RACK1: variants seen among roughly 807,000 people sequenced by gnomAD.
RACK1 encodes the protein small ribosomal subunit protein RACK1.
In RACK1, 3 loss-of-function variants were observed where a neutral mutation model predicts 42.2. The ratio of observed to expected loss-of-function variants is 0.07; its 90% CI spans 0.03 to 0.18. The LOEUF (loss-of-function observed/expected upper bound fraction) is 0.18. RACK1 is among the 10% of genes least tolerant of loss of function. The pLI, the probability that RACK1 is intolerant of heterozygous loss-of-function variation, is 1.00. For missense variants in RACK1, 146 were observed against 403.2 expected (o/e 0.36, Z 5.46); for synonymous variants, 181 against 154.8 (o/e 1.17, Z -1.25).
rs149289995 is a variant in RACK1 at position 181,237,200 on chromosome 5, C to T, written c.889-158G>A. 715 of 1,402,626 alleles carry T rather than the reference C, an allele frequency of 5.1e-4. 12 individuals are homozygous for T. In the East Asian group the frequency reaches 0.012, roughly 24 times the overall value. The allele number at this position is 1,402,626 out of a possible 1,614,324, so 86.9% of individuals were successfully genotyped here. A position where few individuals can be genotyped will look rare whatever the true frequency, so the allele number is the denominator to read the frequency against. ...TCCTGGCTCACTACAGCCTTAAGCC[C>T]CTGCAGTTCAAGAGATCCTCCCACC... On this transcript the variant is annotated intron_variant, in intron 7 of 7. Coordinates refer to ENST00000512805, the MANE Select transcript of RACK1 (RefSeq NM_006098.5).
chr5:181,237,130 C>T lies in RACK1; in HGVS notation c.889-88G>A, dbSNP rs536355545. ...CAGCCCAAGTGGCTTTTTTTGAGAT[C>T]CGTCCACCTTGCTCCATTGTCTAGG... On this transcript the variant is annotated intron_variant, in intron 7 of 7. Transcript: ENST00000512805. The T allele has an allele frequency of 6.5e-4, 1,036 of 1,582,036 alleles. 5 individuals carry two copies. The highest frequency in any genetic ancestry group is 4.3e-3 in the South Asian group (376 of 86,988).
At chr5:181,242,938 G>A (rs188869710) in intron 1 of RACK1, 2 of 331,644 alleles carry the variant, frequency 6.0e-6, no homozygotes, top group Admixed American at 4.6e-5. Context: ...CAGCCACTTT[G>A]TGTCTTCTCT....
In RACK1 at chr5:181,237,482, C is replaced by G. The variant is rs73365987; in HGVS notation, c.888+127G>C. 5.9e-3 allele frequency: 4,047 copies of G among 688,768 alleles called. 122 individuals carry two copies. The African/African-American group carries it at 0.062, about 11-fold the overall frequency. The allele number at this position is 688,768 out of a possible 1,614,324, so 42.7% of individuals were successfully genotyped here. A position where few individuals can be genotyped will look rare whatever the true frequency, so the allele number is the denominator to read the frequency against. ...TGGCAAACGAGGGCATCCTCATCAACCTGGCTTGTCATTTCACTTTATGCC... is the reference window on the plus strand; with the variant it reads ...TGGCAAACGAGGGCATCCTCATCAAGCTGGCTTGTCATTTCACTTTATGCC... On this transcript the variant is annotated intron_variant, in intron 7 of 7. Coordinates refer to ENST00000512805, the MANE Select transcript of RACK1 (RefSeq NM_006098.5).
intron 7 of RACK1, chr5:181,237,344 A>T: frequency 1.4e-6 from 1 of 708,484 alleles, no homozygotes; most frequent in Non-Finnish European, 2.6e-6. Context: ...AGCTGGTGAT[A>T]AGGCTCCAGA....
At chr5:181,237,913 CTGCTA>C in intron 6 of RACK1, 181 bp downstream of exon 6, 1 of 675,738 alleles carries the variant, frequency 1.5e-6, no homozygotes, top group Non-Finnish European at 2.6e-6. Context: ...GCTGGAAATG[CTGCTA>C]AACATCCTGG....
chr5:181,239,315 G>A (rs543316137), intron 4 of RACK1, 138 bp from the exon 5 acceptor site: 185 of 764,970 alleles, frequency 2.4e-4, no homozygotes, highest in Non-Finnish European at 3.6e-4. Flanking sequence ...CTTCACGTTA[G>A]ATTATAACAC....
At chr5:181,241,840 C>T in intron 2 of RACK1, 3 of 780,658 alleles carry the variant, frequency 3.8e-6, no homozygotes, top group Non-Finnish European at 6.9e-6. Flanking sequence ...CAGGACATGT[C>T]CTCACTCCCA....
intron 1 of RACK1, chr5:181,243,104 AT>A (rs1759413523): frequency 6.6e-6 from 3 of 453,160 alleles, no homozygotes. Flanking sequence ...CACTCAACAA[AT>A]TTTACGATTA....
chr5:181,239,340 G>A (rs1759257537), intron 4 of RACK1, 147 bp downstream of exon 4: 1 of 769,642 alleles, frequency 1.3e-6, no homozygotes. Context: ...CCAATGCAGT[G>A]TGCTGACTTA....
At chr5:181,243,480 A>G in intron 1 of RACK1, 1 of 1,463,192 alleles carries the variant, frequency 6.8e-7, no homozygotes, top group South Asian at 1.4e-5. Context: ...GAGCTGATGT[A>G]CACGTAGGTT....
At chr5:181,238,041 A>G in intron 6 of RACK1, 58 bp downstream of exon 6, 1 of 1,592,364 alleles carries the variant, frequency 6.3e-7, no homozygotes. Flanking sequence ...TAATAACCAA[A>G]ACATTGCCAG....
intron 3 of RACK1, chr5:181,241,248 G>C (rs1438934454): frequency 7.3e-6 from 3 of 410,292 alleles, no homozygotes; most frequent in Non-Finnish European, 1.3e-5. Context: ...GGGCAACATG[G>C]TGAAACCCTG....
At position 181,237,497 on chromosome 5, in the gene RACK1, C is replaced by T. The variant is rs140285758; in HGVS notation, c.888+112G>A. 285 of 717,672 alleles carry T rather than the reference C, an allele frequency of 4.0e-4. No individual in the cohort carries two copies. In the African/African-American group the frequency reaches 4.4e-3, roughly 11 times the overall value. The allele number at this position is 717,672 out of a possible 1,614,324, so 44.5% of individuals were successfully genotyped here. A position where few individuals can be genotyped will look rare whatever the true frequency, so the allele number is the denominator to read the frequency against. ...TCCTCATCAACCTGGCTTGTCATTT[C>T]ACTTTATGCCAAGGACACTGCTCTT... On this transcript the variant is annotated intron_variant, in intron 7 of 7. Coordinates refer to ENST00000512805, the MANE Select transcript of RACK1 (RefSeq NM_006098.5).
rs748931084 is a variant in RACK1 at position 181,241,510 on chromosome 5, C to T, written c.411G>A (p.Val137=). 2 of 1,612,544 alleles carry T rather than the reference C, an allele frequency of 1.2e-6. No homozygotes were observed. Among genetic ancestry groups the T allele is most frequent in the Non-Finnish European group, 1.7e-6 (2 of 1,179,618 alleles). The part of the protein sequence containing the change: ...KTIKLWNTLG[V]CKYTVQDESH... ...ACTTTACCTGGACAGTGTATTTGCA[C>T]ACACCCAGGGTATTCCATAGCTTGA... The change falls in exon 3 of 8, where the codon GTG becomes GTA. Residue 137 remains valine (V), a synonymous_variant. Transcript: ENST00000512805.
rs191153380 is a variant in RACK1 at position 181,243,413 on chromosome 5, G to A, written c.109+279C>T. The A allele has an allele frequency of 6.0e-5, 88 of 1,472,290 alleles. No individual in the cohort carries two copies. The East Asian group carries it at 1.9e-3, about 32-fold the overall frequency. The allele number at this position is 1,472,290 out of a possible 1,614,324, so 91.2% of individuals were successfully genotyped here. ...CGTAGGCCCCCGGCCACACTACGAA[G>A]GAGAAGGCAAAAGATATTTTAAAAG... On this transcript the variant is annotated intron_variant, in intron 1 of 7. Coordinates refer to ENST00000512805, the MANE Select transcript of RACK1 (RefSeq NM_006098.5).
At chr5:181,243,557 G>A (rs1759438055) in intron 1 of RACK1, 135 bp downstream of exon 1, 8 of 1,396,972 alleles carry the variant, frequency 5.7e-6, no homozygotes, top group East Asian at 2.5e-5. Context: ...AATTCACAAT[G>A]GGGCAGAGAA....
chr5:181,242,602 G>A (rs901165046), intron 1 of RACK1: 6 of 526,070 alleles, frequency 1.1e-5, no homozygotes, highest in Admixed American at 6.8e-5. Flanking sequence ...CTGTCGCCCA[G>A]GCTGGAGTGC....
chr5:181,236,939 C>CA lies in RACK1; in HGVS notation c.*37dup, dbSNP rs769235302. ...AAAAAAACCTAAAAGTCAGAAAAGC[C>CA]AGTTTTTTTTTTATTTGTAAAGCTC... On this transcript the variant is annotated 3_prime_UTR_variant, in exon 8 of 8. Coordinates refer to ENST00000512805, the MANE Select transcript of RACK1 (RefSeq NM_006098.5). 1 of 1,551,402 alleles carries CA rather than the reference C, an allele frequency of 6.4e-7. No individual in the cohort carries two copies. Among genetic ancestry groups the CA allele is most frequent in the South Asian group, 1.2e-5 (1 of 83,156 alleles).
At chr5:181,241,445 C>CAAAAAAAAAAAAAAAAAAAAAAAAAAAA (rs747923720) in intron 3 of RACK1, 47 bp downstream of exon 3, 2 of 1,209,756 alleles carry the variant, frequency 1.7e-6, no homozygotes, top group Non-Finnish European at 2.1e-6. Context: ...AAAAAAAAAG[C>CAAAAAAAAAAAAAAAAAAAAAAAAAAAA]AAAGTTTAAG....
Sources: allele counts gnomAD v4.1 joint callset, GRCh38; gene constraint gnomAD v4.1.1; transcripts MANE v1.5; gene names NCBI Gene and HGNC (gene_info 2026-07-23, HGNC 2026-07-21).